Variants in ZFHX3 observed in about 807,000 individuals in gnomAD.
ZFHX3 encodes the protein zinc finger homeobox protein 3.
In ZFHX3, 42 loss-of-function variants were observed where a neutral mutation model predicts 279.1. The observed-to-expected ratio is 0.15, with a 90% CI of 0.12 to 0.19. The LOEUF is 0.19. Ranked by LOEUF, ZFHX3 falls within the 10% of genes least tolerant of loss-of-function variation. The probability of loss-of-function intolerance (pLI) is 1.00; values close to 1 mark genes in which losing one functional copy is unlikely to be tolerated. For synonymous variants in ZFHX3, 2,293 were observed against 1,957.8 expected (o/e 1.17, Z -4.52); for missense variants, 4,981 against 4,754.0 (o/e 1.05, Z -1.40).
intron 2 of ZFHX3, among the ~76,000 whole-genome samples, chr16:73,545,199 CATA>C (rs1432608663): frequency 6.6e-6 from 1 of 152,186 alleles, no homozygotes; most frequent in Admixed American, 6.5e-5. Context: ...CTCAGACCCC[CATA>C]ATGACATCCA....
rs150880570 is a variant in ZFHX3 at position 73,604,467 on chromosome 16, C to A, written c.-1547+75713G>T. 1.4e-4 allele frequency among the ~76,000 whole-genome samples: 22 copies of A among 152,262 alleles called. No individual in the cohort carries two copies. The East Asian group carries it at 4.2e-3, about 29-fold the overall frequency. ...TACCATGTTAAAATGTCCCATGGGC[C>A]AGGCACAGTGACTCACGCCTGTAAT... On this transcript the variant is annotated intron_variant, in intron 2 of 17. Transcript: ENST00000641206.
intron 1 of ZFHX3, among the ~76,000 whole-genome samples, chr16:73,014,067 C>A (rs1396415149): frequency 6.6e-6 from 1 of 152,120 alleles, no homozygotes; most frequent in Non-Finnish European, 1.5e-5. Context: ...AAGGAGAGGA[C>A]AGAGTCAGGC....
intron 3 of ZFHX3, among the ~76,000 whole-genome samples, chr16:73,380,095 G>GA (rs1293474567): frequency 6.6e-6 from 1 of 151,998 alleles, no homozygotes; most frequent in African/African-American, 2.4e-5. Flanking sequence ...GTGGACATCA[G>GA]AAAAAAATGA....
chr16:73,832,511 T>C (rs954667875), intron 1 of ZFHX3, among the ~76,000 whole-genome samples: 1 of 152,188 alleles, frequency 6.6e-6, no homozygotes, highest in South Asian at 2.1e-4. Context: ...CAAAAGAAAT[T>C]ATTTTAAGCA....
rs147160019 is a variant in ZFHX3, at chr16:72,958,002, C to T, written c.2144G>A (p.Arg715Gln). ...KSGQPHPRLA[R>Q]GESYTCGYKP... ...GTAACCACACGTGTAGCTCTCGCCTCGTGCCAGCCGGGGGTGGGGCTGCCC... is the reference window on the plus strand; with the variant it reads ...GTAACCACACGTGTAGCTCTCGCCTTGTGCCAGCCGGGGGTGGGGCTGCCC... Residue 715 changes from arginine (R) to glutamine (Q), a missense_variant, in exon 2 of 10, where the codon CGA (arginine) becomes CAA (glutamine). By Grantham distance (43) the Arg-to-Gln change is conservative. This residue lies in a region of ZFHX3 where 39 missense variants were observed against 68.2 expected (regional missense o/e 0.57). Coordinates refer to ENST00000268489, the MANE Select transcript of ZFHX3 (RefSeq NM_006885.4). The T allele has an allele frequency of 1.2e-6, 2 of 1,606,760 alleles. No individual in the cohort carries two copies. Among genetic ancestry groups the T allele is most frequent in the African/African-American group, 1.4e-5 (1 of 73,670 alleles).
At chr16:72,850,649 C>T (rs916213483) in intron 4 of ZFHX3, among the ~76,000 whole-genome samples, 4 of 94 alleles carry the variant, frequency 0.043, no homozygotes, top group African/African-American at 0.12. Flanking sequence ...GCAAAGAGGC[C>T]GGGCTCGCCA....
At chr16:73,640,190 T>A (rs971585668) in intron 2 of ZFHX3, among the ~76,000 whole-genome samples, 5 of 152,176 alleles carry the variant, frequency 3.3e-5, no homozygotes, top group Non-Finnish European at 7.3e-5. Flanking sequence ...AAGCTGGACA[T>A]TGATGCTCCC....
At chr16:73,756,766 C>A (rs1187395480) in intron 1 of ZFHX3, among the ~76,000 whole-genome samples, 2 of 151,260 alleles carry the variant, frequency 1.3e-5, no homozygotes, top group African/African-American at 4.9e-5. Flanking sequence ...CTTCTCCCCC[C>A]AGGGCATTTT....
chr16:73,731,743 A>G (rs2053571688), intron 1 of ZFHX3, among the ~76,000 whole-genome samples: 1 of 152,226 alleles, frequency 6.6e-6, no homozygotes, highest in South Asian at 2.1e-4. Flanking sequence ...TATGTTCAAA[A>G]TAAAACCAAA....
rs1555510772 is a variant in ZFHX3, at chr16:73,334,810, C to CCTTTTTTTTTTTTTTTTTTTT, written c.-1290-16475_-1290-16474insAAAAAAAAAAAAAAAAAAAAG. Among the ~76,000 whole-genome samples, 7 of 57,858 alleles carry CCTTTTTTTTTTTTTTTTTTTT rather than the reference C, an allele frequency of 1.2e-4. 2 individuals carry two copies. Among genetic ancestry groups the CCTTTTTTTTTTTTTTTTTTTT allele is most frequent in the Admixed American group, 2.6e-4 (1 of 3,826 alleles). 38.0% of individuals were successfully genotyped at this position (57,858 alleles called of 152,430 possible). A position where few individuals can be genotyped will look rare whatever the true frequency, so the allele number is the denominator to read the frequency against. On this transcript the variant is annotated intron_variant, in intron 3 of 17. Transcript: ENST00000641206. The stretch of plus-strand genomic sequence containing the variant: ...TCTTTTCCTCCTTTTCTTTCTCATT[C>CCTTTTTTTTTTTTTTTTTTTT]TTTTTTTTTTTTTTTTTTTTTTTTT...
rs1158199221 is a variant in ZFHX3 at position 72,795,416 on chromosome 16, T to G, written c.7266A>C (p.Lys2422Asn). ...TTGGTTTCTCATCGCCTGCCTCTGTTTTTGAATTGAAGGTGGCCAGTTCCT... is the reference window on the plus strand; with the variant it reads ...TTGGTTTCTCATCGCCTGCCTCTGTGTTTGAATTGAAGGTGGCCAGTTCCT... ...EAEELATFNS[K>N]TEAGDEKPKL... The change falls in exon 9 of 10, where the codon AAA (lysine) becomes AAC (asparagine). Residue 2422 changes from lysine (K) to asparagine (N), a missense_variant. Physicochemically the swap from Lys to Asn is moderately conservative, Grantham distance 94. Transcript: ENST00000268489. 3.1e-6 allele frequency: 5 copies of G among 1,613,992 alleles called. No homozygotes were observed. The African/African-American group carries it at 5.3e-5, about 17-fold the overall frequency.
At chr16:72,903,679 T>C (rs895588687) in intron 3 of ZFHX3, among the ~76,000 whole-genome samples, 1 of 152,144 alleles carries the variant, frequency 6.6e-6, no homozygotes, top group Admixed American at 6.5e-5. Flanking sequence ...CAACTCCATT[T>C]TATTAGTTGA....
chr16:72,836,139 G>T (rs1263133952), intron 4 of ZFHX3, among the ~76,000 whole-genome samples: 1 of 152,216 alleles, frequency 6.6e-6, no homozygotes, highest in Non-Finnish European at 1.5e-5. Context: ...CTCTAAGCCA[G>T]GAAGGAAGAG....
At chr16:73,794,972 T>C (rs1460952157) in intron 1 of ZFHX3, among the ~76,000 whole-genome samples, 3 of 152,204 alleles carry the variant, frequency 2.0e-5, no homozygotes, top group Non-Finnish European at 4.4e-5. Flanking sequence ...TCACATGCTA[T>C]TCATAAACAC....
At chr16:73,198,341 CTT>C (rs79436905) in intron 5 of ZFHX3, among the ~76,000 whole-genome samples, 2,515 of 130,108 alleles carry the variant, frequency 0.019, 64 homozygotes, top group African/African-American at 0.066. Context: ...ATGCTGGTAT[CTT>C]TTTTTTTTTT....
At chr16:73,051,940 G>A (rs1171802866), upstream of ZFHX3, among the ~76,000 whole-genome samples, 1 of 152,186 alleles carries the variant, frequency 6.6e-6, no homozygotes, top group Non-Finnish European at 1.5e-5. Flanking sequence ...GAATTTTAAT[G>A]AAAAGGCGGA....
chr16:73,450,567 G>C (rs116181195), intron 3 of ZFHX3, among the ~76,000 whole-genome samples: 2,133 of 152,288 alleles, frequency 0.014, 46 homozygotes, highest in African/African-American at 0.049. Flanking sequence ...AACGAAAGTA[G>C]CAATCACTTG....
intron 3 of ZFHX3, among the ~76,000 whole-genome samples, chr16:72,929,670 C>A (rs1323462496): frequency 6.6e-6 from 1 of 152,308 alleles, no homozygotes; most frequent in Admixed American, 6.5e-5. Context: ...GCGACAGGGC[C>A]CTCCACGCAA....
intron 3 of ZFHX3, among the ~76,000 whole-genome samples, chr16:72,949,379 T>C (rs1322788146): frequency 6.6e-6 from 1 of 152,030 alleles, no homozygotes; most frequent in African/African-American, 2.4e-5. Context: ...GTGGAAGGTG[T>C]GTGGGATCAG....
Sources: gnomAD v4.1 joint callset for allele counts (sites outside exome capture counted in the v4.1 genomes callset) on GRCh38, gnomAD v4.1.1 for gene constraint, gnomAD v4.1.1 regional missense constraint, MANE v1.5 for transcripts, NCBI Gene and HGNC (gene_info 2026-07-23, HGNC 2026-07-21) for gene names.